The following CMTM4 variants were observed in gnomAD, a reference collection of about 807,000 sequenced individuals.
CMTM4 encodes the protein CKLF-like MARVEL transmembrane domain-containing protein 4.
Under a neutral mutation model 19.0 loss-of-function variants are expected in CMTM4, and 8 were observed. The ratio of observed to expected loss-of-function variants is 0.42; its 90% CI spans 0.25 to 0.76. The LOEUF (loss-of-function observed/expected upper bound fraction) is 0.76, where lower values mean the gene tolerates loss of function less well. Among genes scored for constraint, CMTM4 ranks in the 30% least tolerant of loss-of-function variants. CMTM4 has a pLI of 0.27. For missense variants in CMTM4, 228 were observed against 290.2 expected (o/e 0.79, Z 1.56); for synonymous variants, 106 against 121.1 (o/e 0.88, Z 0.82).
the CMTM4 span, among the ~76,000 whole-genome samples, chr16:66,603,099 G>GT: frequency 1.3e-5 from 2 of 152,316 alleles, no homozygotes; most frequent in African/African-American, 2.4e-5. Context: ...GGGCTTGAGG[G>GT]TCTTGCAGAG....
chr16:66,640,396 G>A (rs1203588240), intron 1 of CMTM4, among the ~76,000 whole-genome samples: 1 of 152,238 alleles, frequency 6.6e-6, no homozygotes, highest in African/African-American at 2.4e-5. Flanking sequence ...AGGGACAGCT[G>A]TCTGGAGAAA....
At chr16:66,677,666 G>A (rs757278953) in intron 1 of CMTM4, among the ~76,000 whole-genome samples, 1 of 152,016 alleles carries the variant, frequency 6.6e-6, no homozygotes, top group Non-Finnish European at 1.5e-5. Context: ...AGGCCAAGCT[G>A]AGGCCTAAAG....
chr16:66,681,855 T>C (rs1281764593), intron 1 of CMTM4, among the ~76,000 whole-genome samples: 1 of 152,192 alleles, frequency 6.6e-6, no homozygotes, highest in Non-Finnish European at 1.5e-5. Context: ...GACTCACCTC[T>C]TACCACGCCT....
Position 66,620,174 on chromosome 16 carries a change from G to A in CMTM4, c.*1884C>T, listed in dbSNP as rs946291307. On this transcript the variant is annotated 3_prime_UTR_variant, in exon 4 of 4. Transcript: ENST00000394106. ...AAAGCTCAGGATGGTCCTTCCAAGTGGGCCCCATTTAATGCAAGGCTGAGC... is the reference window on the plus strand; with the variant it reads ...AAAGCTCAGGATGGTCCTTCCAAGTAGGCCCCATTTAATGCAAGGCTGAGC... 13 of 985,468 alleles carry A rather than the reference G, an allele frequency of 1.3e-5. No homozygotes were observed. Among genetic ancestry groups the A allele is most frequent in the Non-Finnish European group, 1.4e-5 (12 of 829,944 alleles). 61.0% of individuals were successfully genotyped at this position (985,468 alleles called of 1,614,324 possible). A position where few individuals can be genotyped will look rare whatever the true frequency, so the allele number is the denominator to read the frequency against.
downstream of CMTM4, chr16:66,609,889 G>A (rs1393424584): frequency 6.2e-7 from 1 of 1,614,160 alleles, no homozygotes; most frequent in Admixed American, 1.7e-5. The surrounding 1 kb of genome is among the most constrained non-coding windows in gnomAD (Gnocchi z 4.4). Flanking sequence ...ACAGGTGTTT[G>A]GCTTCTTTGC....
chr16:66,650,953 C>T (rs1053585140), intron 1 of CMTM4, among the ~76,000 whole-genome samples: 3 of 152,282 alleles, frequency 2.0e-5, no homozygotes, highest in Admixed American at 6.5e-5. Context: ...CAGAATCAGA[C>T]GAAGCTCTAA....
chr16:66,613,826 C>T (rs981896521), downstream of CMTM4: 2 of 152,090 alleles, frequency 1.3e-5, no homozygotes, highest in Non-Finnish European at 2.9e-5. Flanking sequence ...AAACTGGTAA[C>T]ACCAATGTGG....
intron 1 of CMTM4, among the ~76,000 whole-genome samples, chr16:66,666,436 G>A (rs2016595780): frequency 6.6e-6 from 1 of 152,106 alleles, no homozygotes; most frequent in Admixed American, 6.5e-5. Context: ...CTGGGCGACA[G>A]AGCAAGACTC....
intron 1 of CMTM4, among the ~76,000 whole-genome samples, chr16:66,677,590 T>C (rs2016831584): frequency 2.6e-5 from 4 of 152,176 alleles, no homozygotes; most frequent in Admixed American, 2.6e-4. Context: ...ATACCAACCC[T>C]ATGGTGACAG....
At chr16:66,604,862 TC>T in the CMTM4 span, 1 of 1,397,450 alleles carries the variant, frequency 7.2e-7, no homozygotes, top group Admixed American at 3.1e-5. Context: ...GCGGCTCCCG[TC>T]CCGGCCCCGC....
chr16:66,606,707 C>T, the CMTM4 span, among the ~76,000 whole-genome samples: 1 of 152,188 alleles, frequency 6.6e-6, no homozygotes, highest in African/African-American at 2.4e-5. Context: ...AAGAACTCTA[C>T]CTGGGCCGGG....
intron 1 of CMTM4, among the ~76,000 whole-genome samples, chr16:66,643,272 T>A (rs2016130038): frequency 6.6e-6 from 1 of 152,144 alleles, no homozygotes; most frequent in Admixed American, 6.5e-5. Context: ...GAGGGATACA[T>A]TAAATTTGGG....
chr16:66,664,069 C>A (rs546292326), intron 1 of CMTM4, among the ~76,000 whole-genome samples: 28 of 151,926 alleles, frequency 1.8e-4, no homozygotes, highest in African/African-American at 6.5e-4. Flanking sequence ...TCTGTCTCTA[C>A]TAAAAATACA....
chr16:66,680,458 G>A (rs1395601804), intron 1 of CMTM4, among the ~76,000 whole-genome samples: 67 of 131,362 alleles, frequency 5.1e-4, no homozygotes, highest in East Asian at 1.6e-3. Flanking sequence ...CAGCCTGGGT[G>A]ACAGAGTGAG....
intron 1 of CMTM4, among the ~76,000 whole-genome samples, chr16:66,669,544 T>C (rs530057477): frequency 1.3e-5 from 2 of 151,642 alleles, no homozygotes; most frequent in East Asian, 1.9e-4. Flanking sequence ...GCTCAAACAT[T>C]TGCTGGATTT....
At chr16:66,629,974 A>G (rs2015817261) in intron 2 of CMTM4, among the ~76,000 whole-genome samples, 1 of 152,078 alleles carries the variant, frequency 6.6e-6, no homozygotes, top group Non-Finnish European at 1.5e-5. Flanking sequence ...CATATCAGTA[A>G]TTGTTTAAGT....
At chr16:66,648,092 T>C (rs1378101608) in intron 1 of CMTM4, among the ~76,000 whole-genome samples, 2 of 152,180 alleles carry the variant, frequency 1.3e-5, no homozygotes, top group Non-Finnish European at 2.9e-5. Flanking sequence ...TGAATTTGTG[T>C]GGGGCCACAA....
intron 1 of CMTM4, among the ~76,000 whole-genome samples, chr16:66,675,515 C>T (rs1281417630): frequency 1.4e-5 from 2 of 146,992 alleles, no homozygotes; most frequent in Non-Finnish European, 3.0e-5. Flanking sequence ...GAGGCAAAGA[C>T]ACAAAGGAGA....
chr16:66,660,436 T>C (rs1481229869), intron 1 of CMTM4, among the ~76,000 whole-genome samples: 2 of 151,080 alleles, frequency 1.3e-5, no homozygotes, highest in Non-Finnish European at 3.0e-5. Context: ...GTGAAATTTA[T>C]TGCATGTAAA....
Sources: gnomAD v4.1 joint callset for allele counts (sites outside exome capture counted in the v4.1 genomes callset) on GRCh38, gnomAD v4.1.1 for gene constraint, Gnocchi (gnomAD v3.1) non-coding constraint, MANE v1.5 for transcripts, NCBI Gene and HGNC (gene_info 2026-07-23, HGNC 2026-07-21) for gene names.